The following NCOA2 variants were observed in gnomAD, a reference collection of about 807,000 sequenced individuals.
NCOA2 encodes the protein nuclear receptor coactivator 2.
A neutral mutation model predicts 145.1 loss-of-function variants in NCOA2; 21 were observed. The observed-to-expected ratio is 0.14, with a 90% CI of 0.10 to 0.21. The LOEUF (loss-of-function observed/expected upper bound fraction) is 0.21. NCOA2 is among the 10% of genes least tolerant of loss of function. The pLI, the probability that NCOA2 is intolerant of heterozygous loss-of-function variation, is 1.00. For missense variants in NCOA2, 1,472 were observed against 1,837.6 expected (o/e 0.80, Z 3.64); for synonymous variants, 619 against 637.5 (o/e 0.97, Z 0.44).
At chr8:70,130,178 T>C (rs1808929637) in intron 16 of NCOA2, among the ~76,000 whole-genome samples, 1 of 152,204 alleles carries the variant, frequency 6.6e-6, no homozygotes, top group South Asian at 2.1e-4. Context: ...GAATTACTGC[T>C]CTAACTAAAC....
At chr8:70,426,897 A>G in the NCOA2 span, among the ~76,000 whole-genome samples, 37 of 152,262 alleles carry the variant, frequency 2.4e-4, 2 homozygotes, top group Middle Eastern at 0.024. Flanking sequence ...GGCTCAAAGG[A>G]TCCTCCTGCC....
the NCOA2 span, among the ~76,000 whole-genome samples, chr8:70,450,307 C>T: frequency 1.4e-4 from 21 of 152,256 alleles, no homozygotes; most frequent in East Asian, 4.1e-3. Flanking sequence ...ATGGCTCCAC[C>T]CATGTGAATG....
At chr8:70,163,657 T>TA in intron 7 of NCOA2, 91 bp from the exon 8 acceptor site, 1 of 903,270 alleles carries the variant, frequency 1.1e-6, no homozygotes, top group Non-Finnish European at 1.8e-6. Context: ...AGCCTGTCAT[T>TA]AAAAAAGCAG....
the NCOA2 span, among the ~76,000 whole-genome samples, chr8:70,442,847 C>T: frequency 2.0e-5 from 3 of 152,084 alleles, no homozygotes; most frequent in Non-Finnish European, 4.4e-5. Flanking sequence ...CTCTTCTGAG[C>T]CATTTTATAC....
intron 2 of NCOA2, among the ~76,000 whole-genome samples, chr8:70,251,519 C>T (rs995379534): frequency 3.9e-5 from 6 of 152,158 alleles, no homozygotes; most frequent in South Asian, 2.1e-4. Flanking sequence ...TAAAGTAAGT[C>T]GCCTTTAAAA....
At chr8:70,396,448 A>G (rs990614251) in intron 1 of NCOA2, among the ~76,000 whole-genome samples, 5 of 152,246 alleles carry the variant, frequency 3.3e-5, no homozygotes, top group Non-Finnish European at 1.5e-5. Flanking sequence ...AGCACTGGGT[A>G]AGAGAGCTAA....
chr8:70,162,022 A>T (rs1480678663), intron 9 of NCOA2, among the ~76,000 whole-genome samples: 1 of 152,136 alleles, frequency 6.6e-6, no homozygotes, highest in Non-Finnish European at 1.5e-5. Flanking sequence ...ACTGACACTG[A>T]ATGCTAGAGA....
intron 2 of NCOA2, among the ~76,000 whole-genome samples, chr8:70,292,894 A>T (rs940921996): frequency 6.6e-6 from 1 of 152,218 alleles, no homozygotes; most frequent in Non-Finnish European, 1.5e-5. Flanking sequence ...TGTCAACAAC[A>T]CCCATCAGAA....
At position 70,120,263 on chromosome 8, in the gene NCOA2, C is replaced by T. The variant is rs567372445; in HGVS notation, c.4383+1039G>A. ...AGCTACCTACTGTGAAGGGTAATAT[C>T]TCTTACCTTAAAGGGCCACATAGGC... On this transcript the variant is annotated intron_variant, in intron 22 of 22. Transcript: ENST00000452400. Among the ~76,000 whole-genome samples the T allele has an allele frequency of 8.7e-4, 133 of 152,308 alleles. 1 individual carries two copies. The highest frequency in any genetic ancestry group is 1.7e-3 in the Non-Finnish European group (118 of 68,026).
the NCOA2 span, among the ~76,000 whole-genome samples, chr8:70,443,057 T>TA: frequency 1.3e-5 from 2 of 152,144 alleles, no homozygotes; most frequent in African/African-American, 4.8e-5. Context: ...CTCGAAGACA[T>TA]AAAAATTTAC....
chr8:70,155,864 G>A (rs1009229087), intron 11 of NCOA2, 107 bp downstream of exon 11: 6 of 871,054 alleles, frequency 6.9e-6, no homozygotes, highest in Admixed American at 6.3e-5. Context: ...CAACAAAGGA[G>A]AAAGCTTATT....
intron 2 of NCOA2, among the ~76,000 whole-genome samples, chr8:70,272,329 C>T (rs1197831679): frequency 1.3e-5 from 2 of 152,148 alleles, no homozygotes; most frequent in Non-Finnish European, 1.5e-5. Flanking sequence ...TCACTCAAAG[C>T]AAAGCACAGG....
intron 4 of NCOA2, among the ~76,000 whole-genome samples, chr8:70,186,954 C>T (rs867140369): frequency 1.3e-5 from 2 of 152,216 alleles, no homozygotes; most frequent in African/African-American, 2.4e-5. Context: ...ACAGGAAGAG[C>T]TTTAAATACA....
chr8:70,160,689 G>T (rs370606386), intron 9 of NCOA2, among the ~76,000 whole-genome samples: 3 of 148,104 alleles, frequency 2.0e-5, no homozygotes, highest in Non-Finnish European at 4.4e-5. Flanking sequence ...GAGGGAGAGA[G>T]AGAGAGAGAG....
chr8:70,380,728 C>A (rs1455452576), intron 1 of NCOA2, among the ~76,000 whole-genome samples: 1 of 151,786 alleles, frequency 6.6e-6, no homozygotes, highest in African/African-American at 2.4e-5. Context: ...AAATTTTGTT[C>A]GAGTGAGCAT....
At chr8:70,413,538 C>T in the NCOA2 span, among the ~76,000 whole-genome samples, 9 of 152,190 alleles carry the variant, frequency 5.9e-5, no homozygotes, top group South Asian at 6.2e-4. Context: ...AATGCCTTTG[C>T]GAAACAGACT....
intron 1 of NCOA2, among the ~76,000 whole-genome samples, chr8:70,314,353 A>G (rs182377188): frequency 6.6e-6 from 1 of 152,248 alleles, no homozygotes; most frequent in Non-Finnish European, 1.5e-5. Flanking sequence ...AAAATTATAT[A>G]AAGTGACCTC....
intron 2 of NCOA2, among the ~76,000 whole-genome samples, chr8:70,255,053 T>A (rs977870474): frequency 6.6e-6 from 1 of 152,300 alleles, no homozygotes; most frequent in African/African-American, 2.4e-5. Flanking sequence ...AAATAAAATT[T>A]AAAAAATACT....
At chr8:70,166,861 G>A (rs1489641674) in intron 6 of NCOA2, 107 bp from the exon 7 acceptor site, 1 of 1,035,284 alleles carries the variant, frequency 9.7e-7, no homozygotes, top group Non-Finnish European at 1.4e-6. Context: ...TCATCTTTAT[G>A]TACTACTTTT....
Sources: allele counts gnomAD v4.1 joint callset (sites outside exome capture counted in the v4.1 genomes callset), GRCh38; gene constraint gnomAD v4.1.1; transcripts MANE v1.5; gene names NCBI Gene and HGNC (gene_info 2026-07-23, HGNC 2026-07-21).